Variants in MGAT4C observed in about 807,000 individuals in gnomAD.
The protein encoded by MGAT4C is alpha-1,3-mannosyl-glycoprotein 4-beta-N-acetylglucosaminyltransferase C.
MGAT4C carries 19 observed loss-of-function variants against 40.1 expected under a neutral mutation model. The ratio of observed to expected loss-of-function variants is 0.47; its 90% CI spans 0.33 to 0.70. The LOEUF is 0.70. Among genes scored for constraint, MGAT4C ranks in the 30% least tolerant of loss-of-function variants. MGAT4C has a pLI of 0.02. For missense variants in MGAT4C, 491 were observed against 563.2 expected (o/e 0.87, Z 1.30); for synonymous variants, 181 against 187.1 (o/e 0.97, Z 0.27).
At chr12:86,540,675 G>T (rs1046381478) in intron 2 of MGAT4C, among the ~76,000 whole-genome samples, 3 of 152,132 alleles carry the variant, frequency 2.0e-5, no homozygotes, top group Non-Finnish European at 4.4e-5. Flanking sequence ...GGCGGAGGTT[G>T]CAGTGAGCCG....
chr12:86,834,169 TAGATAGATATAGATATAG>T (rs1484184153), intron 1 of MGAT4C, among the ~76,000 whole-genome samples: 2 of 126,746 alleles, frequency 1.6e-5, no homozygotes, highest in Admixed American at 7.9e-5. Context: ...TAGATAGAGA[TAGATAGATATAGATATAG>T]ATATAGATAT....
At chr12:86,553,574 G>A (rs1342130897) in intron 2 of MGAT4C, among the ~76,000 whole-genome samples, 1 of 151,886 alleles carries the variant, frequency 6.6e-6, no homozygotes, top group Non-Finnish European at 1.5e-5. Flanking sequence ...TTCTATAATC[G>A]TTTATCTTTA....
intron 2 of MGAT4C, among the ~76,000 whole-genome samples, chr12:86,597,702 T>C (rs1961594658): frequency 6.6e-6 from 1 of 152,146 alleles, no homozygotes; most frequent in Admixed American, 6.5e-5. Context: ...AGGAGCTGAC[T>C]TACCAAAGAG....
At chr12:86,810,073 A>G (rs1271269861) in intron 1 of MGAT4C, among the ~76,000 whole-genome samples, 1 of 152,062 alleles carries the variant, frequency 6.6e-6, no homozygotes, top group East Asian at 1.9e-4. Flanking sequence ...GTAAAAATCC[A>G]TACAGAGTCT....
At chr12:86,268,376 A>G (rs1952842028) in intron 4 of MGAT4C, among the ~76,000 whole-genome samples, 1 of 152,092 alleles carries the variant, frequency 6.6e-6, no homozygotes, top group Non-Finnish European at 1.5e-5. Context: ...CCATCACAAA[A>G]GAGTTACTTA....
chr12:86,347,991 C>T (rs1487859850), intron 3 of MGAT4C, among the ~76,000 whole-genome samples: 2 of 152,110 alleles, frequency 1.3e-5, no homozygotes, highest in East Asian at 1.9e-4. Context: ...AATTAATAAA[C>T]ATTTCCATTA....
At chr12:86,658,551 T>C (rs1963902191) in intron 2 of MGAT4C, among the ~76,000 whole-genome samples, 1 of 152,076 alleles carries the variant, frequency 6.6e-6, no homozygotes, top group African/African-American at 2.4e-5. Context: ...TTAAAAGAAT[T>C]ATTTTCTCTG....
intron 2 of MGAT4C, among the ~76,000 whole-genome samples, chr12:86,495,859 C>T (rs190785438): frequency 6.6e-6 from 1 of 152,096 alleles, no homozygotes; most frequent in Non-Finnish European, 1.5e-5. Flanking sequence ...GACAATAAGA[C>T]GCCAGACCCC....
intron 1 of MGAT4C, among the ~76,000 whole-genome samples, chr12:86,162,426 G>A (rs1353434414): frequency 2.0e-5 from 3 of 151,986 alleles, no homozygotes; most frequent in African/African-American, 7.2e-5. Flanking sequence ...CCTTACTTAC[G>A]AGTGGGAGCT....
intron 3 of MGAT4C, among the ~76,000 whole-genome samples, chr12:86,358,825 A>G (rs546044522): frequency 4.0e-4 from 61 of 152,342 alleles, no homozygotes; most frequent in African/African-American, 1.3e-3. Flanking sequence ...AGATTCATAA[A>G]GCAAGTCCTT....
rs115753287 is a variant in MGAT4C, at chr12:86,489,514, A to G, written c.-228-54249T>C. ...ACAAGGCAAAGGGCCTATTGAGCTG[A>G]TAACACACTGCTATCTGTGGACAGC... On this transcript the variant is annotated intron_variant, in intron 2 of 7. Transcript: ENST00000548651. Among the ~76,000 whole-genome samples the G allele has an allele frequency of 2.4e-3, 362 of 152,348 alleles. 1 individual carries two copies. The highest frequency in any genetic ancestry group is 7.1e-3 in the African/African-American group (297 of 41,578).
intron 1 of MGAT4C, among the ~76,000 whole-genome samples, chr12:86,773,267 G>C (rs1288870956): frequency 6.6e-6 from 1 of 152,032 alleles, no homozygotes; most frequent in African/African-American, 2.4e-5. Context: ...TATTAGAAGA[G>C]TAAATGTAGA....
chr12:86,595,644 T>G (rs1961509342), intron 2 of MGAT4C, among the ~76,000 whole-genome samples: 1 of 152,226 alleles, frequency 6.6e-6, no homozygotes, highest in Non-Finnish European at 1.5e-5. Context: ...TACATCCTTG[T>G]AACTTACTGT....
chr12:86,156,944 C>T (rs1261895881), intron 1 of MGAT4C, among the ~76,000 whole-genome samples: 1 of 151,768 alleles, frequency 6.6e-6, no homozygotes, highest in Admixed American at 6.6e-5. Flanking sequence ...GGCAATTTCC[C>T]TTCTCTTTAT....
At chr12:86,305,774 A>G (rs1209652603) in intron 4 of MGAT4C, among the ~76,000 whole-genome samples, 3 of 150,414 alleles carry the variant, frequency 2.0e-5, no homozygotes, top group African/African-American at 7.5e-5. Flanking sequence ...AATAGTTTCT[A>G]TGCTGTATTA....
At chr12:86,207,505 C>T (rs142927043) in intron 1 of MGAT4C, among the ~76,000 whole-genome samples, 8 of 151,950 alleles carry the variant, frequency 5.3e-5, no homozygotes, top group African/African-American at 1.7e-4. Context: ...GTGTTCTACA[C>T]TATGCATTTT....
intron 1 of MGAT4C, among the ~76,000 whole-genome samples, chr12:86,138,238 C>T (rs546469078): frequency 2.6e-5 from 4 of 151,864 alleles, no homozygotes; most frequent in Non-Finnish European, 5.9e-5. Flanking sequence ...CAAACTCAGA[C>T]TCATTTCTCA....
At chr12:86,402,895 T>A (rs1317591791) in intron 3 of MGAT4C, among the ~76,000 whole-genome samples, 1 of 152,186 alleles carries the variant, frequency 6.6e-6, no homozygotes, top group Non-Finnish European at 1.5e-5. Context: ...TATTATTTAT[T>A]GAGCATTTTC....
At position 85,971,048 on chromosome 12, in the gene MGAT4C, A is replaced by G. The variant is rs1054233448; in HGVS notation, c.*8241T>C. The G allele has an allele frequency of 6.6e-6, 1 of 151,190 alleles. No individual in the cohort carries two copies. The highest frequency in any genetic ancestry group is 2.4e-5 in the African/African-American group (1 of 41,350). 9.4% of individuals were successfully genotyped at this position (151,190 alleles called of 1,614,324 possible). ...AGCAATATGTAAATTTCATTGCAAC[A>G]ATGGTTATTCAATTTACTGATGAAA... On this transcript the variant is annotated 3_prime_UTR_variant, in exon 5 of 5. Transcript: ENST00000611864.
Sources: allele counts gnomAD v4.1 joint callset (sites outside exome capture counted in the v4.1 genomes callset), GRCh38; gene constraint gnomAD v4.1.1; transcripts MANE v1.5; gene names NCBI Gene and HGNC (gene_info 2026-07-23, HGNC 2026-07-21).